NELL1: variants seen among roughly 807,000 people sequenced by gnomAD.
NELL1 encodes neural EGFL like 1, also known as protein kinase C-binding protein NELL1.
A neutral mutation model predicts 107.4 loss-of-function variants in NELL1; 76 were observed. That is an observed-to-expected ratio of 0.71 (90% confidence interval 0.59 to 0.86). The LOEUF is 0.86. NELL1 is among the 40% of genes least tolerant of loss of function. The pLI, the probability that NELL1 is intolerant of heterozygous loss-of-function variation, is 0.00. For synonymous variants in NELL1, 353 were observed against 341.2 expected, an observed-to-expected ratio of 1.03 and a Z score of -0.38; for missense variants, 1,024 against 1,005.5, an observed-to-expected ratio of 1.02 and a Z score of -0.25.
At chr11:20,981,013 A>G (rs1207204953) in intron 12 of NELL1, among the ~76,000 whole-genome samples, 2 of 152,208 alleles carry the variant, frequency 1.3e-5, no homozygotes, top group Non-Finnish European at 2.9e-5. Context: ...GGCTTTCAGT[A>G]ATCTGAGCCC....
intron 13 of NELL1, among the ~76,000 whole-genome samples, chr11:21,152,958 G>T (rs1450694207): frequency 6.6e-6 from 1 of 152,052 alleles, no homozygotes; most frequent in East Asian, 1.9e-4. Flanking sequence ...TTCTAGATTT[G>T]TTTTCTATAA....
chr11:21,243,587 G>A (rs537966147), intron 14 of NELL1, among the ~76,000 whole-genome samples: 69 of 152,060 alleles, frequency 4.5e-4, no homozygotes, highest in Non-Finnish European at 6.8e-4. Context: ...AGCAAAATGC[G>A]CACATGCACA....
chr11:21,312,438 T>C (rs1849769537), intron 14 of NELL1, among the ~76,000 whole-genome samples: 1 of 151,948 alleles, frequency 6.6e-6, no homozygotes, highest in South Asian at 2.1e-4. Flanking sequence ...TAACTAACTA[T>C]CCAGAAAAAT....
chr11:21,204,932 C>T (rs1791851), intron 13 of NELL1, among the ~76,000 whole-genome samples: 100,208 of 151,862 alleles, frequency 0.66, 36,392 homozygotes, highest in Non-Finnish European at 0.81. Flanking sequence ...TGGGTATCAC[C>T]AGCAGACGCT....
intron 14 of NELL1, among the ~76,000 whole-genome samples, chr11:21,319,415 C>T (rs921859855): frequency 6.6e-6 from 1 of 150,520 alleles, no homozygotes; most frequent in Non-Finnish European, 1.5e-5. Flanking sequence ...GTCTCAAACT[C>T]CTGGCCTCAA....
chr11:20,787,423 T>C (rs1297465900), intron 3 of NELL1, among the ~76,000 whole-genome samples: 1 of 152,222 alleles, frequency 6.6e-6, no homozygotes, highest in Non-Finnish European at 1.5e-5. Flanking sequence ...TGAGAATCTT[T>C]CATAATTTTC....
intron 13 of NELL1, among the ~76,000 whole-genome samples, chr11:21,116,344 TC>T (rs566381588): frequency 1.6e-4 from 24 of 152,044 alleles, no homozygotes; most frequent in African/African-American, 5.5e-4. Context: ...TCTATCCTGG[TC>T]CCCTTCCCCT....
intron 9 of NELL1, among the ~76,000 whole-genome samples, chr11:20,929,953 C>T (rs987389719): frequency 1.4e-5 from 2 of 138,610 alleles, no homozygotes; most frequent in Non-Finnish European, 1.5e-5. Flanking sequence ...GCCTGGGCAA[C>T]AGAGTGAGTC....
intron 14 of NELL1, among the ~76,000 whole-genome samples, chr11:21,274,247 G>A (rs1433797863): frequency 6.6e-6 from 1 of 152,186 alleles, no homozygotes; most frequent in Non-Finnish European, 1.5e-5. Context: ...AGCAGGGGTT[G>A]CAATCCTAGT....
At chr11:20,731,142 A>T (rs1855630225) in intron 2 of NELL1, among the ~76,000 whole-genome samples, 1 of 152,144 alleles carries the variant, frequency 6.6e-6, no homozygotes. Context: ...ACTACTTAAC[A>T]TTGCTGTTCA....
intron 14 of NELL1, among the ~76,000 whole-genome samples, chr11:21,235,457 G>A (rs1365498423): frequency 6.6e-6 from 1 of 152,156 alleles, no homozygotes; most frequent in Non-Finnish European, 1.5e-5. Context: ...TGCAGCAAGT[G>A]TGGACTATGC....
rs550753049 is a variant in NELL1 at position 21,228,825 on chromosome 11, G to T, written c.1427-507G>T. ...ATTGTGGATGTTTTTCAGCATTGTG[G>T]ACATTTTAGGCTGGCTAGTTCTTTG... On this transcript the variant is annotated intron_variant, in intron 13 of 19. Transcript: ENST00000357134. 7.3e-5 allele frequency among the ~76,000 whole-genome samples: 11 copies of T among 150,176 alleles called. No individual in the cohort carries two copies. In the South Asian group the frequency reaches 2.3e-3, roughly 32 times the overall value.
chr11:21,317,463 A>G (rs906525369), intron 14 of NELL1, among the ~76,000 whole-genome samples: 4 of 152,150 alleles, frequency 2.6e-5, no homozygotes, highest in Non-Finnish European at 5.9e-5. Context: ...TCACACTGCC[A>G]CCAGGGATTG....
chr11:21,106,713 A>G (rs904781836), intron 12 of NELL1, among the ~76,000 whole-genome samples: 2 of 152,078 alleles, frequency 1.3e-5, no homozygotes, highest in Admixed American at 1.3e-4. Flanking sequence ...TTGCATATAT[A>G]TTTTTTTACC....
At chr11:21,419,728 G>A (rs181257108) in intron 15 of NELL1, among the ~76,000 whole-genome samples, 1 of 152,220 alleles carries the variant, frequency 6.6e-6, no homozygotes, top group East Asian at 1.9e-4. Flanking sequence ...AGAGAAAGGT[G>A]CAATATTCAA....
intron 17 of NELL1, among the ~76,000 whole-genome samples, chr11:21,564,461 G>A (rs927352008): frequency 6.6e-6 from 1 of 151,878 alleles, no homozygotes; most frequent in Non-Finnish European, 1.5e-5. Flanking sequence ...TTACATAAGA[G>A]TAAGAACCAG....
chr11:21,174,248 G>A (rs536808714), intron 13 of NELL1, among the ~76,000 whole-genome samples: 29 of 151,866 alleles, frequency 1.9e-4, no homozygotes, highest in Middle Eastern at 3.4e-3. Context: ...TCTGTCCCAG[G>A]CAAACTGGGA....
intron 13 of NELL1, among the ~76,000 whole-genome samples, chr11:21,181,893 A>G (rs1252691261): frequency 3.9e-5 from 6 of 151,912 alleles, no homozygotes; most frequent in African/African-American, 1.5e-4. Context: ...CTCTGTGAGA[A>G]CAGTAGCTGA....
At chr11:21,312,769 G>T (rs756762391) in intron 14 of NELL1, among the ~76,000 whole-genome samples, 20 of 152,116 alleles carry the variant, frequency 1.3e-4, no homozygotes, top group Non-Finnish European at 2.4e-4. Context: ...GAAATAGACA[G>T]GAATGGATAA....
Sources: allele counts gnomAD v4.1 joint callset (sites outside exome capture counted in the v4.1 genomes callset), GRCh38; gene constraint gnomAD v4.1.1; transcripts MANE v1.5; gene names NCBI Gene and HGNC (gene_info 2026-07-23, HGNC 2026-07-21).